Variants in ZNF398 observed in about 807,000 individuals in gnomAD.
The protein encoded by ZNF398 is zinc finger DNA binding protein ZER6.
Under a neutral mutation model 41.9 loss-of-function variants are expected in ZNF398, and 18 were observed. The ratio of observed to expected loss-of-function variants is 0.43; its 90% CI spans 0.30 to 0.64. The LOEUF (loss-of-function observed/expected upper bound fraction) is 0.64. Ranked by LOEUF, ZNF398 falls within the 30% of genes least tolerant of loss-of-function variation. ZNF398 has a pLI of 0.14. For synonymous variants in ZNF398, 260 were observed against 308.8 expected (o/e 0.84, Z 1.66); for missense variants, 669 against 822.8 (o/e 0.81, Z 2.29).
At chr7:149,134,247 GTTTTTTTT>G (rs1447183107) in intron 2 of ZNF398, among the ~76,000 whole-genome samples, 9 of 150,166 alleles carry the variant, frequency 6.0e-5, no homozygotes, top group African/African-American at 2.2e-4. Context: ...TTGTTTTTTT[GTTTTTTTT>G]GGATTTTTAG....
rs1795546497 is a variant in ZNF398 at position 149,179,552 on chromosome 7, C to T, written c.1680C>T (p.Ile560=). ...ACCACCTAATGAAACACCAGCGCAT[C>T]CACACCGGGGAGCGGCCCTACCCCT... is the stretch of plus-strand genomic sequence containing the variant. ...RKHHLMKHQR[I]HTGERPYPCS... Residue 560 remains isoleucine (I), a synonymous_variant, in exon 6 of 6, where the codon ATC becomes ATT. Transcript: ENST00000475153. The surrounding 1 kb of genome is among the most constrained non-coding windows in gnomAD (Gnocchi z 6.1). 1 of 1,614,178 alleles carries T rather than the reference C, an allele frequency of 6.2e-7. No individual in the cohort carries two copies. Among genetic ancestry groups the T allele is most frequent in the African/African-American group, 1.3e-5 (1 of 75,042 alleles).
At chr7:149,148,551 G>A (rs1482773119) in intron 1 of ZNF398, 2 of 894,980 alleles carry the variant, frequency 2.2e-6, no homozygotes, top group Non-Finnish European at 1.3e-6. Flanking sequence ...GGGGTGACTG[G>A]GAAAAGGAGG....
At chr7:149,148,459 T>C in intron 1 of ZNF398, 1 of 985,530 alleles carries the variant, frequency 1.0e-6, no homozygotes, top group Non-Finnish European at 1.2e-6. Flanking sequence ...GGGAAAGCAC[T>C]GATCGCATTT....
At chr7:149,171,834 A>AT (rs201956167) in intron 4 of ZNF398, among the ~76,000 whole-genome samples, 3,571 of 152,014 alleles carry the variant, frequency 0.023, 55 homozygotes, top group Admixed American at 0.036. Context: ...CACCTGGCTA[A>AT]TTTTTTTATT....
At chr7:149,136,574 T>C (rs1826718315) in intron 2 of ZNF398, among the ~76,000 whole-genome samples, 1 of 152,180 alleles carries the variant, frequency 6.6e-6, no homozygotes. Context: ...AAGTGCTTTT[T>C]TTTTCTTTTT....
At chr7:149,154,375 A>G (rs778662833) in intron 2 of ZNF398, 35 bp downstream of exon 2, 1 of 1,547,342 alleles carries the variant, frequency 6.5e-7, no homozygotes, top group Non-Finnish European at 8.7e-7. Flanking sequence ...AAGTGGTACC[A>G]CTAGAACTTA....
chr7:149,144,194 CT>C (rs1431185280), upstream of ZNF398, among the ~76,000 whole-genome samples: 1 of 152,186 alleles, frequency 6.6e-6, no homozygotes, highest in Non-Finnish European at 1.5e-5. Flanking sequence ...GGTAGCCTTG[CT>C]TTCTATGGAG....
intron 2 of ZNF398, among the ~76,000 whole-genome samples, chr7:149,161,654 G>A (rs1795106391): frequency 6.6e-6 from 1 of 152,158 alleles, no homozygotes; most frequent in African/African-American, 2.4e-5. Flanking sequence ...AAGGTGGCAG[G>A]ATGAGTACAT....
At chr7:149,132,356 T>C (rs1826614100) in intron 2 of ZNF398, among the ~76,000 whole-genome samples, 1 of 151,884 alleles carries the variant, frequency 6.6e-6, no homozygotes, top group Non-Finnish European at 1.5e-5. Context: ...CACCACGCCC[T>C]GCTAATTTTG....
intron 2 of ZNF398, among the ~76,000 whole-genome samples, chr7:149,156,686 C>T (rs549176494): frequency 3.9e-4 from 58 of 150,496 alleles, no homozygotes; most frequent in African/African-American, 1.4e-3. Flanking sequence ...TGGAGAAACC[C>T]CATCTCTACT....
chr7:149,138,494 C>T (rs1011478762), intron 2 of ZNF398, among the ~76,000 whole-genome samples: 7 of 151,888 alleles, frequency 4.6e-5, no homozygotes, highest in East Asian at 1.9e-4. Context: ...GCAGGAGAAT[C>T]GCTACAATCC....
rs371053973 is a variant in ZNF398, at chr7:149,136,240, T to G, written c.-490+7296T>G. 5.9e-4 allele frequency among the ~76,000 whole-genome samples: 90 copies of G among 152,254 alleles called. No individual in the cohort carries two copies. In the East Asian group the frequency reaches 0.013, roughly 22 times the overall value. On this transcript the variant is annotated intron_variant, in intron 2 of 6. Coordinates refer to the ZNF398 transcript ENST00000426851. ...CTTGGGGAGGGCGTAAAAATCACAC[T>G]CAAGGCTGCCACCTCACACTTAGAG...
At chr7:149,155,721 T>TAA (rs1219372864) in intron 2 of ZNF398, among the ~76,000 whole-genome samples, 3,458 of 64,282 alleles carry the variant, frequency 0.054, 64 homozygotes, top group Admixed American at 0.085. Flanking sequence ...TTTTTTTTTT[T>TAA]TTTTTTTTAA....
chr7:149,155,582 TG>T (rs1794947883), intron 2 of ZNF398, among the ~76,000 whole-genome samples: 1 of 151,764 alleles, frequency 6.6e-6, no homozygotes, highest in Non-Finnish European at 1.5e-5. Context: ...TGTGAATCAC[TG>T]ATGTGTAGGG....
At chr7:149,176,784 A>G (rs1795468765) in intron 5 of ZNF398, among the ~76,000 whole-genome samples, 1 of 152,244 alleles carries the variant, frequency 6.6e-6, no homozygotes, top group African/African-American at 2.4e-5. Flanking sequence ...CTTACATGCA[A>G]AGACAAATGA....
At chr7:149,160,255 G>A (rs981760408) in intron 2 of ZNF398, among the ~76,000 whole-genome samples, 2 of 152,024 alleles carry the variant, frequency 1.3e-5, no homozygotes, top group South Asian at 4.2e-4. Context: ...TGGCTGACAC[G>A]GGGGTCTCAA....
At chr7:149,145,635 G>A (rs1014453371), upstream of ZNF398, among the ~76,000 whole-genome samples, 5 of 152,180 alleles carry the variant, frequency 3.3e-5, no homozygotes, top group Non-Finnish European at 7.3e-5. Flanking sequence ...AATGGGATGA[G>A]CATGAGAATG....
rs1298931665 is a variant in ZNF398 at position 149,179,656 on chromosome 7, G to A, written c.1784G>A (p.Gly595Glu). 6.2e-7 allele frequency: 1 copy of A among 1,614,234 alleles called. No individual in the cohort carries two copies. Among genetic ancestry groups the A allele is most frequent in the Admixed American group, 1.7e-5 (1 of 60,022 alleles). The change falls in exon 6 of 6, where the codon GGG (glycine) becomes GAG (glutamate). Residue 595 changes from glycine to glutamate, a missense_variant. Physicochemically the swap from Gly to Glu is moderately conservative, Grantham distance 98. This residue lies in a region of ZNF398 where 210 missense variants were observed against 290.4 expected (regional missense o/e 0.72). Coordinates refer to ENST00000475153, the MANE Select transcript of ZNF398 (RefSeq NM_170686.3). The surrounding 1 kb of genome is among the most constrained non-coding windows in gnomAD (Gnocchi z 6.1). ...HLRSGHNGGC[G>E]GDSDPSGQPP... is the part of the protein sequence containing the mutation. ...CGTTCAGGCCACAATGGAGGCTGTG[G>A]GGGTGATAGTGACCCATCAGGTCAG... is the stretch of plus-strand genomic sequence containing the variant.
intron 2 of ZNF398, among the ~76,000 whole-genome samples, chr7:149,165,501 G>A (rs1396268416): frequency 6.6e-6 from 1 of 152,116 alleles, no homozygotes; most frequent in Non-Finnish European, 1.5e-5. Flanking sequence ...GAGAAGAAAT[G>A]GAAACAGAAA....
Sources: allele counts gnomAD v4.1 joint callset (sites outside exome capture counted in the v4.1 genomes callset), GRCh38; gene constraint gnomAD v4.1.1; regional missense constraint gnomAD v4.1.1; non-coding constraint Gnocchi (gnomAD v3.1); transcripts MANE v1.5; gene names NCBI Gene and HGNC (gene_info 2026-07-23, HGNC 2026-07-21).